The following SLC2A9 variants were observed in gnomAD, a reference collection of about 807,000 sequenced individuals.
SLC2A9 encodes solute carrier family 2 member 9, also known as solute carrier family 2, facilitated glucose transporter member 9.
In SLC2A9, 39 loss-of-function variants were observed where a neutral mutation model predicts 50.6. The ratio of observed to expected loss-of-function variants is 0.77; its 90% CI spans 0.60 to 1.01. The LOEUF (loss-of-function observed/expected upper bound fraction) is 1.01. SLC2A9 is among the 50% of genes least tolerant of loss of function. The pLI is 0.00. For missense variants in SLC2A9, 686 were observed against 677.6 expected, an observed-to-expected ratio of 1.01 and a Z score of -0.14; for synonymous variants, 324 against 276.9, an observed-to-expected ratio of 1.17 and a Z score of -1.69.
chr4:9,958,558 T>C (rs57574512), intron 5 of SLC2A9, among the ~76,000 whole-genome samples: 73,460 of 152,004 alleles, frequency 0.48, 19,101 homozygotes, highest in African/African-American at 0.67. Flanking sequence ...GGTTGATAGG[T>C]GCAACAAACC....
At chr4:9,901,423 C>G (rs1478381949) in intron 8 of SLC2A9, among the ~76,000 whole-genome samples, 1 of 152,114 alleles carries the variant, frequency 6.6e-6, no homozygotes, top group Non-Finnish European at 1.5e-5. Context: ...TGTGATGATT[C>G]ACAGGGAAAA....
chr4:9,778,630 C>A (rs530179946), downstream of SLC2A9, among the ~76,000 whole-genome samples: 1 of 152,274 alleles, frequency 6.6e-6, no homozygotes, highest in South Asian at 2.1e-4. Context: ...CTTTTGGGAC[C>A]ATTCCTCCCT....
chr4:10,006,360 TA>T (rs1760772912), intron 2 of SLC2A9: 1 of 152,156 alleles, frequency 6.6e-6, no homozygotes, highest in East Asian at 1.9e-4. Context: ...AGGAGTCCTG[TA>T]AAAATACACG....
At chr4:9,948,696 C>A (rs1460562383) in intron 5 of SLC2A9, among the ~76,000 whole-genome samples, 1 of 152,246 alleles carries the variant, frequency 6.6e-6, no homozygotes, top group Non-Finnish European at 1.5e-5. Context: ...AGCTCCAGAG[C>A]TCCCTGTGGG....
intron 6 of SLC2A9, among the ~76,000 whole-genome samples, chr4:9,936,922 C>T (rs183562349): frequency 6.6e-6 from 1 of 152,284 alleles, no homozygotes; most frequent in Admixed American, 6.5e-5. Flanking sequence ...ATCCCAAGAG[C>T]AACAGAACTG....
At chr4:9,841,138 T>A (rs1728013887) in intron 10 of SLC2A9, among the ~76,000 whole-genome samples, 1 of 152,224 alleles carries the variant, frequency 6.6e-6, no homozygotes, top group South Asian at 2.1e-4. Flanking sequence ...AGCAACTTTT[T>A]GTAGAACATA....
chr4:9,962,109 A>G (rs1293295202), intron 5 of SLC2A9, among the ~76,000 whole-genome samples: 2 of 152,236 alleles, frequency 1.3e-5, no homozygotes, highest in African/African-American at 4.8e-5. Flanking sequence ...ATGCTTTTAC[A>G]CTGTTAGTGG....
chr4:10,031,231 A>G (rs188956017), intron 1 of SLC2A9, among the ~76,000 whole-genome samples: 3 of 152,352 alleles, frequency 2.0e-5, no homozygotes, highest in South Asian at 4.1e-4. Context: ...ATGAGACACA[A>G]AAGGATAGAG....
intron 10 of SLC2A9, among the ~76,000 whole-genome samples, 179 bp from the exon 11 acceptor site, chr4:9,835,187 A>T (rs1434488204): frequency 2.0e-5 from 3 of 151,802 alleles, no homozygotes; most frequent in Admixed American, 6.5e-5. Context: ...CTTTATTTTG[A>T]GAGACTGTCC....
rs140482001 is a variant in SLC2A9, at chr4:9,895,178, C to T, written c.1114-4467G>A. Among the ~76,000 whole-genome samples the T allele has an allele frequency of 2.6e-3, 399 of 152,190 alleles. 1 individual carries two copies. The highest frequency in any genetic ancestry group is 9.1e-3 in the African/African-American group (376 of 41,512). ...GTGAGGGACATGTGGCTTTTTGTTT[C>T]GTTTCCCTAAAGTCTCTTGATGAAC... On this transcript the variant is annotated intron_variant, in intron 8 of 11. Coordinates refer to ENST00000264784, the MANE Select transcript of SLC2A9 (RefSeq NM_020041.3).
chr4:9,941,025 G>C (rs1258822746), intron 6 of SLC2A9, among the ~76,000 whole-genome samples: 1 of 152,202 alleles, frequency 6.6e-6, no homozygotes, highest in East Asian at 1.9e-4. Context: ...ACAGATGAGG[G>C]TTCTGGGGCT....
intron 1 of SLC2A9, among the ~76,000 whole-genome samples, chr4:10,029,748 C>A (rs896450747): frequency 1.3e-5 from 2 of 151,990 alleles, no homozygotes; most frequent in African/African-American, 4.8e-5. Context: ...TCCCGAGTAG[C>A]TGGGTTTATA....
At chr4:9,813,949 G>A (rs1382468960) in intron 3 of SLC2A9, among the ~76,000 whole-genome samples, 1 of 151,880 alleles carries the variant, frequency 6.6e-6, no homozygotes, top group Non-Finnish European at 1.5e-5. Flanking sequence ...TACAAAAAAA[G>A]TAAAAATAAA....
At chr4:9,954,898 G>GA (rs756592181) in intron 5 of SLC2A9, among the ~76,000 whole-genome samples, 43 of 151,970 alleles carry the variant, frequency 2.8e-4, no homozygotes, top group Non-Finnish European at 5.7e-4. Flanking sequence ...TCTCCCAATA[G>GA]AAAAAAACCT....
chr4:9,958,054 A>T (rs1751607642), intron 5 of SLC2A9, among the ~76,000 whole-genome samples: 1 of 152,218 alleles, frequency 6.6e-6, no homozygotes, highest in African/African-American at 2.4e-5. Flanking sequence ...CATATAAGTG[A>T]TCAAAAATAA....
At chr4:9,812,372 A>C (rs1723000146) in intron 3 of SLC2A9, among the ~76,000 whole-genome samples, 1 of 152,232 alleles carries the variant, frequency 6.6e-6, no homozygotes, top group Non-Finnish European at 1.5e-5. Context: ...AATTGTGTTA[A>C]ATTCCAAGAA....
intron 1 of SLC2A9, among the ~76,000 whole-genome samples, chr4:10,033,803 TC>T (rs1764011437): frequency 6.6e-6 from 1 of 152,198 alleles, no homozygotes; most frequent in African/African-American, 2.4e-5. Flanking sequence ...TGGGTTGTCA[TC>T]CCGGTGGTGG....
chr4:9,985,688 G>A lies in SLC2A9; in HGVS notation c.516C>T (p.Phe172=), dbSNP rs781293720. The change falls in exon 4 of 12, where the codon TTC becomes TTT. Residue 172 remains phenylalanine, a synonymous_variant. Coordinates refer to ENST00000264784, the MANE Select transcript of SLC2A9 (RefSeq NM_020041.3). Reference sequence around the variant, plus strand: ...TCTCACCTCCATCTATGCCCATGATGAAGCGTCCCACGATGAGCATTTCAA... The same window carrying A: ...TCTCACCTCCATCTATGCCCATGATAAAGCGTCCCACGATGAGCATTTCAA... ...GAFEMLIVGR[F]IMGIDGGVAL... 1.1e-5 allele frequency: 18 copies of A among 1,613,892 alleles called. No individual in the cohort carries two copies. Among genetic ancestry groups the A allele is most frequent in the Non-Finnish European group, 1.4e-5 (17 of 1,179,878 alleles).
At chr4:9,840,777 T>C (rs1037567581) in intron 10 of SLC2A9, among the ~76,000 whole-genome samples, 1 of 142,882 alleles carries the variant, frequency 7.0e-6, no homozygotes, top group Non-Finnish European at 1.5e-5. Flanking sequence ...GCTATAAAGA[T>C]ATACCTGACA....
Sources: gnomAD v4.1 joint callset for allele counts (sites outside exome capture counted in the v4.1 genomes callset) on GRCh38, gnomAD v4.1.1 for gene constraint, MANE v1.5 for transcripts, NCBI Gene and HGNC (gene_info 2026-07-23, HGNC 2026-07-21) for gene names.